TRPM1: variants seen among roughly 807,000 people sequenced by gnomAD.
The protein encoded by TRPM1 is TRPM1-203 APA Isoform, Intron 10.
TRPM1 carries 113 observed loss-of-function variants against 149.4 expected under a neutral mutation model. The observed-to-expected ratio is 0.76, with a 90% confidence interval of 0.65 to 0.88. TRPM1 has a LOEUF of 0.88. TRPM1 is among the 40% of genes least tolerant of loss of function. The pLI, the probability that TRPM1 is intolerant of heterozygous loss-of-function variation, is 0.00. For missense variants in TRPM1, 1,976 were observed against 2,038.7 expected (o/e 0.97, Z 0.59); for synonymous variants, 741 against 759.5 (o/e 0.98, Z 0.40).
At chr15:31,089,006 GGTGAGGCAA>G (rs1403199559) in intron 1 of TRPM1, among the ~76,000 whole-genome samples, 64 of 152,116 alleles carry the variant, frequency 4.2e-4, no homozygotes, top group Non-Finnish European at 6.0e-4. Flanking sequence ...CTAGATTTAG[GGTGAGGCAA>G]GTGAGGCACT....
intron 1 of TRPM1, among the ~76,000 whole-genome samples, chr15:31,106,905 C>A (rs2035615732): frequency 1.3e-5 from 2 of 152,116 alleles, no homozygotes; most frequent in African/African-American, 4.8e-5. Flanking sequence ...TTTTATGAGT[C>A]CTTGTTTTCC....
intron 1 of TRPM1, among the ~76,000 whole-genome samples, chr15:31,113,851 GCT>G (rs1259230459): frequency 1.3e-5 from 2 of 152,002 alleles, no homozygotes; most frequent in East Asian, 3.9e-4. Context: ...AAACAACGAC[GCT>G]CCCACACGCT....
intron 1 of TRPM1, among the ~76,000 whole-genome samples, chr15:31,085,054 T>C (rs2034964389): frequency 6.6e-6 from 1 of 152,130 alleles, no homozygotes. Flanking sequence ...ATTCATTAAC[T>C]TGTTCATTTT....
chr15:31,157,513 C>A (rs1256420630), intron 1 of TRPM1, among the ~76,000 whole-genome samples: 1 of 152,126 alleles, frequency 6.6e-6, no homozygotes. Flanking sequence ...TGACTCTTGA[C>A]TTTATGTGTC....
chr15:31,025,683 C>A (rs1246590638), intron 27 of TRPM1, among the ~76,000 whole-genome samples: 4 of 152,126 alleles, frequency 2.6e-5, no homozygotes, highest in Non-Finnish European at 5.9e-5. Context: ...CAGGGGAGCC[C>A]CAGGAGGGAG....
intron 27 of TRPM1, among the ~76,000 whole-genome samples, chr15:31,022,718 G>T (rs1184432438): frequency 6.6e-6 from 1 of 152,170 alleles, no homozygotes; most frequent in African/African-American, 2.4e-5. Context: ...GGATGGGATA[G>T]AAATTTATAT....
At chr15:31,003,884 G>A (rs1019924980) in intron 27 of TRPM1, among the ~76,000 whole-genome samples, 2 of 151,208 alleles carry the variant, frequency 1.3e-5, no homozygotes, top group African/African-American at 2.4e-5. Context: ...TTAGAAGATC[G>A]GGCAACAGCC....
intron 1 of TRPM1, among the ~76,000 whole-genome samples, chr15:31,119,274 A>ATAAATAAG (rs1199650014): frequency 2.6e-5 from 4 of 151,704 alleles, no homozygotes; most frequent in African/African-American, 9.7e-5. Flanking sequence ...AAATAAATAA[A>ATAAATAAG]CTTATCTATA....
intron 1 of TRPM1, among the ~76,000 whole-genome samples, chr15:31,088,764 C>T (rs940751768): frequency 9.3e-5 from 14 of 150,686 alleles, no homozygotes; most frequent in African/African-American, 3.2e-4. Context: ...TGGGAACGTT[C>T]CCAACCATGG....
chr15:31,052,388 T>C (rs1456141495), intron 11 of TRPM1, among the ~76,000 whole-genome samples: 1 of 152,174 alleles, frequency 6.6e-6, no homozygotes, highest in East Asian at 1.9e-4. Context: ...GATATCCACA[T>C]GCAAAAGACT....
chr15:31,117,210 GC>G, intron 1 of TRPM1, among the ~76,000 whole-genome samples: 1 of 152,170 alleles, frequency 6.6e-6, no homozygotes. Context: ...ATTAGGCCGG[GC>G]ATGGTGGCTC....
At chr15:31,033,140 T>C (rs1224329973) in intron 21 of TRPM1, 200 bp from the exon 22 acceptor site, 6 of 695,522 alleles carry the variant, frequency 8.6e-6, no homozygotes, top group Non-Finnish European at 1.4e-5. Context: ...ATTCTTAGAT[T>C]CAGGGTTTTA....
chr15:31,109,896 AT>A (rs2035661801), intron 1 of TRPM1, among the ~76,000 whole-genome samples: 1 of 152,130 alleles, frequency 6.6e-6, no homozygotes, highest in Admixed American at 6.6e-5. Flanking sequence ...AAAGAGGACA[AT>A]AATGCTGGGG....
chr15:31,046,333 A>G (rs2033763143), intron 15 of TRPM1, 100 bp from the exon 16 acceptor site: 2 of 1,104,074 alleles, frequency 1.8e-6, no homozygotes, highest in African/African-American at 3.2e-5. Flanking sequence ...CGAATGGATT[A>G]AAAAGCACTT....
At position 31,035,526 on chromosome 15, in the gene TRPM1, G is replaced by C. The variant is rs764418038; in HGVS notation, c.2700+20C>G. On this transcript the variant is annotated intron_variant, in intron 21 of 27. Transcript: ENST00000256552. ...GCAGTCAGCGGTTAGTGGGCTGGGGGAGGCCTTTGGAGTAGCCACCTCTCG... is the reference window on the plus strand; with the variant it reads ...GCAGTCAGCGGTTAGTGGGCTGGGGCAGGCCTTTGGAGTAGCCACCTCTCG... The C allele has an allele frequency of 4.3e-6, 7 of 1,614,016 alleles. No individual in the cohort carries two copies. In the Admixed American group the frequency reaches 1.0e-4, roughly 23 times the overall value.
In TRPM1 at chr15:31,113,112, T is replaced by C. The variant is rs1446687021; in HGVS notation, c.55-36128A>G. Among the ~76,000 whole-genome samples the C allele has an allele frequency of 3.3e-5, 5 of 152,184 alleles. No individual in the cohort carries two copies. In the East Asian group the frequency reaches 5.8e-4, roughly 18 times the overall value. ...CTGTCCAGGGCTGCTGTCTTGGCTT[T>C]AGGTAGCTAAGATCACCTCTCACTG... On this transcript the variant is annotated intron_variant, in intron 1 of 26. Coordinates refer to the TRPM1 transcript ENST00000542188.
chr15:31,084,063 T>G (rs913979647), intron 1 of TRPM1, among the ~76,000 whole-genome samples: 5 of 152,148 alleles, frequency 3.3e-5, no homozygotes, highest in Non-Finnish European at 5.9e-5. Context: ...TTCCCTTTCC[T>G]CCGGGTTTCT....
intron 11 of TRPM1, among the ~76,000 whole-genome samples, chr15:31,054,700 T>C (rs1351743326): frequency 1.3e-5 from 2 of 152,206 alleles, no homozygotes; most frequent in Non-Finnish European, 2.9e-5. Context: ...ATATTTATGG[T>C]ATACATGATG....
At chr15:31,022,160 C>A (rs987837368) in intron 27 of TRPM1, among the ~76,000 whole-genome samples, 9 of 152,176 alleles carry the variant, frequency 5.9e-5, no homozygotes, top group Non-Finnish European at 1.2e-4. Context: ...TGCTCTTGAA[C>A]CTGTGAACCT....
Sources: gnomAD v4.1 joint callset for allele counts (sites outside exome capture counted in the v4.1 genomes callset) on GRCh38, gnomAD v4.1.1 for gene constraint, MANE v1.5 for transcripts, NCBI Gene and HGNC (gene_info 2026-07-23, HGNC 2026-07-21) for gene names.